The following DOCK8 variants were observed in gnomAD, a reference collection of about 807,000 sequenced individuals.
DOCK8 encodes dedicator of cytokinesis 8.
In DOCK8, 141 loss-of-function variants were observed where a neutral mutation model predicts 245.6. The ratio of observed to expected loss-of-function variants is 0.57; its 90% CI spans 0.50 to 0.66. The LOEUF is 0.66. Among genes scored for constraint, DOCK8 ranks in the 30% least tolerant of loss-of-function variants. DOCK8 has a pLI of 0.00. For synonymous variants in DOCK8, 1,168 were observed against 970.2 expected, an observed-to-expected ratio of 1.20 and a Z score of -3.79; for missense variants, 2,965 against 2,603.4, an observed-to-expected ratio of 1.14 and a Z score of -3.02.
At chr9:324,999 A>G (rs556006959) in intron 7 of DOCK8, among the ~76,000 whole-genome samples, 3 of 152,152 alleles carry the variant, frequency 2.0e-5, no homozygotes, top group South Asian at 2.1e-4. Context: ...CTGAGTCTCC[A>G]AGGTCCATTA....
intron 18 of DOCK8, 53 bp downstream of exon 18, chr9:372,339 C>A (rs893107824): frequency 7.1e-7 from 1 of 1,402,160 alleles, no homozygotes; most frequent in Admixed American, 1.7e-5. Context: ...AGTCTTGGAC[C>A]ACCTTCCCAG....
intron 23 of DOCK8, among the ~76,000 whole-genome samples, chr9:389,565 C>T (rs1434073612): frequency 6.6e-6 from 1 of 151,730 alleles, no homozygotes; most frequent in Non-Finnish European, 1.5e-5. Flanking sequence ...ACCATCTAGA[C>T]AGTGGTCCCT....
At chr9:363,416 C>T (rs912786325) in intron 14 of DOCK8, among the ~76,000 whole-genome samples, 3 of 152,166 alleles carry the variant, frequency 2.0e-5, no homozygotes, top group Non-Finnish European at 4.4e-5. Flanking sequence ...CCTGTTTATC[C>T]GTTCGTTAAT....
chr9:405,126 T>A, intron 27 of DOCK8, 53 bp downstream of exon 27: 1 of 1,525,268 alleles, frequency 6.6e-7, no homozygotes, highest in Non-Finnish European at 9.0e-7. Context: ...TTCATTTAAC[T>A]AGCTCAGTTT....
intron 29 of DOCK8, among the ~76,000 whole-genome samples, chr9:416,444 G>A (rs1278956732): frequency 6.6e-6 from 1 of 152,148 alleles, no homozygotes; most frequent in Admixed American, 6.5e-5. Context: ...CAGTGACTCG[G>A]AATCAGAACT....
At chr9:214,544 C>T, upstream of DOCK8, 1 of 1,613,738 alleles carries the variant, frequency 6.2e-7, no homozygotes, top group Non-Finnish European at 8.5e-7. Context: ...ACCTCGCCAG[C>T]TTTGTGGGGC....
At position 439,257 on chromosome 9, in the gene DOCK8, A is replaced by G. The variant is rs1383803179; in HGVS notation, c.5092A>G (p.Asn1698Asp). 4.3e-6 allele frequency: 7 copies of G among 1,613,962 alleles called. No homozygotes were observed. The South Asian group carries it at 4.4e-5, about 10-fold the overall frequency. Reference sequence around the variant, plus strand: ...TGGTCTCTTTCAGAATATTTCTTCCAATGTGCTGGAGGAGTCTGTGGTCTC... The same window carrying G: ...TGGTCTCTTTCAGAATATTTCTTCCGATGTGCTGGAGGAGTCTGTGGTCTC... ...GSVSFQNISS[N>D]VLEESVVSED... is the part of the protein sequence containing the mutation. The change falls in exon 40 of 48, where the codon AAT becomes GAT. Residue 1698 changes from asparagine to aspartate, a missense_variant. This residue lies in a region of DOCK8 where 2,825 missense variants were observed against 2,453.5 expected (regional missense o/e 1.15). Transcript: ENST00000432829.
chr9:327,205 C>A (rs1224510508), intron 8 of DOCK8, among the ~76,000 whole-genome samples: 4 of 152,132 alleles, frequency 2.6e-5, no homozygotes, highest in Admixed American at 2.6e-4. Flanking sequence ...CATCACCTTC[C>A]ACCCCTGCCT....
At chr9:285,460 C>A (rs1463985642) in intron 2 of DOCK8, among the ~76,000 whole-genome samples, 1 of 152,102 alleles carries the variant, frequency 6.6e-6, no homozygotes, top group African/African-American at 2.4e-5. Context: ...AAAACAGTAA[C>A]TTCCCCACCA....
intron 8 of DOCK8, 38 bp from the exon 9 acceptor site, chr9:327,984 A>G (rs544294830): frequency 1.9e-6 from 3 of 1,597,032 alleles, no homozygotes; most frequent in Non-Finnish European, 1.7e-6. Flanking sequence ...TGAATGCAAC[A>G]GGTCTAACTT....
At chr9:288,607 G>A (rs1461524715) in intron 3 of DOCK8, among the ~76,000 whole-genome samples, 1 of 152,150 alleles carries the variant, frequency 6.6e-6, no homozygotes, top group Non-Finnish European at 1.5e-5. Flanking sequence ...TAAGCACTTT[G>A]CACACTAACC....
chr9:406,840 T>C, intron 27 of DOCK8, 90 bp from the exon 28 acceptor site: 1 of 1,579,966 alleles, frequency 6.3e-7, no homozygotes, highest in African/African-American at 1.3e-5. Flanking sequence ...TCACGAAGCC[T>C]GGCTGGGGCG....
At chr9:442,139 T>G in intron 42 of DOCK8, 130 bp downstream of exon 42, 1 of 1,362,578 alleles carries the variant, frequency 7.3e-7, no homozygotes, top group Non-Finnish European at 1.0e-6. Flanking sequence ...GTTTTCCCCT[T>G]TGCATTTATA....
intron 45 of DOCK8, 58 bp downstream of exon 45, chr9:449,985 A>T: frequency 6.3e-7 from 1 of 1,579,954 alleles, no homozygotes; most frequent in Non-Finnish European, 8.6e-7. Context: ...TTGTCATTAT[A>T]CGTCTGCACC....
chr9:375,490 T>C (rs567069194), intron 18 of DOCK8, among the ~76,000 whole-genome samples: 5 of 152,314 alleles, frequency 3.3e-5, no homozygotes, highest in African/African-American at 1.2e-4. Context: ...GTATTAAAAT[T>C]TCATGTCTTG....
intron 24 of DOCK8, among the ~76,000 whole-genome samples, chr9:391,794 T>C (rs1409990182): frequency 6.6e-6 from 1 of 151,512 alleles, no homozygotes; most frequent in Non-Finnish European, 1.5e-5. Context: ...ATTCATTGGG[T>C]TCTTTCCCCT....
intron 14 of DOCK8, among the ~76,000 whole-genome samples, chr9:346,862 G>A (rs1034718339): frequency 4.1e-5 from 6 of 147,940 alleles, no homozygotes; most frequent in African/African-American, 1.6e-4. Context: ...GAACTTCTAA[G>A]GAAAGAAATG....
At chr9:342,290 CTTTTTTCT>C (rs1196569359) in intron 14 of DOCK8, among the ~76,000 whole-genome samples, 30 of 104,182 alleles carry the variant, frequency 2.9e-4, no homozygotes, top group East Asian at 7.1e-4. Context: ...ATTTGTTTTT[CTTTTTTCT>C]TTTTTTTTTT....
intron 43 of DOCK8, among the ~76,000 whole-genome samples, 184 bp downstream of exon 43, chr9:443,700 CATA>C (rs2057162995): frequency 6.6e-6 from 1 of 152,198 alleles, no homozygotes. Context: ...AGGCAGGAAT[CATA>C]ATAGGAGCTA....
Sources: gnomAD v4.1 joint callset for allele counts (sites outside exome capture counted in the v4.1 genomes callset) on GRCh38, gnomAD v4.1.1 for gene constraint, gnomAD v4.1.1 regional missense constraint, MANE v1.5 for transcripts, NCBI Gene and HGNC (gene_info 2026-07-23, HGNC 2026-07-21) for gene names.